Variants in PRDM6 observed in about 807,000 individuals in gnomAD.
The protein encoded by PRDM6 is putative histone-lysine N-methyltransferase PRDM6.
In PRDM6, 25 loss-of-function variants were observed where a neutral mutation model predicts 60.8. The ratio of observed to expected loss-of-function variants is 0.41; its 90% CI spans 0.30 to 0.57. The LOEUF (loss-of-function observed/expected upper bound fraction) is 0.57. Ranked by LOEUF, PRDM6 falls within the 20% of genes least tolerant of loss-of-function variation. PRDM6 has a pLI of 0.27. For missense variants in PRDM6, 839 were observed against 821.3 expected (o/e 1.02, Z -0.26); for synonymous variants, 407 against 357.4 (o/e 1.14, Z -1.57).
intron 3 of PRDM6, among the ~76,000 whole-genome samples, chr5:123,143,994 A>G (rs573706197): frequency 9.2e-5 from 14 of 152,272 alleles, no homozygotes; most frequent in Non-Finnish European, 1.6e-4. Context: ...CTGTCAGTCT[A>G]TCTCTGTGAT....
intron 3 of PRDM6, among the ~76,000 whole-genome samples, chr5:123,149,364 T>G (rs184915512): frequency 1.3e-5 from 2 of 152,254 alleles, no homozygotes; most frequent in Admixed American, 1.3e-4. Context: ...ACCTTGAACA[T>G]ATTGAGTGTT....
At chr5:123,116,273 A>G (rs955418607) in intron 3 of PRDM6, among the ~76,000 whole-genome samples, 2 of 152,236 alleles carry the variant, frequency 1.3e-5, no homozygotes, top group Non-Finnish European at 2.9e-5. Flanking sequence ...TAACAAATGT[A>G]GTGACAACAC....
intron 3 of PRDM6, among the ~76,000 whole-genome samples, chr5:123,111,810 C>T (rs1273596286): frequency 6.6e-6 from 1 of 152,132 alleles, no homozygotes; most frequent in Non-Finnish European, 1.5e-5. Context: ...CTCTTGAGCT[C>T]ACCTGGCCTC....
At chr5:123,159,459 G>A in intron 4 of PRDM6, 55 bp from the exon 5 acceptor site, 1 of 1,522,250 alleles carries the variant, frequency 6.6e-7, no homozygotes, top group Non-Finnish European at 8.8e-7. Context: ...AAATATGGAT[G>A]GGGGCACATG....
rs1363446250 is a variant in PRDM6, at chr5:123,089,328, G to C, written c.-207G>C. 6.5e-6 allele frequency: 1 copy of C among 152,758 alleles called. No homozygotes were observed. The highest frequency in any genetic ancestry group is 2.4e-5 in the African/African-American group (1 of 41,432). The allele number at this position is 152,758 out of a possible 1,614,324, so 9.5% of individuals were successfully genotyped here. A position where few individuals can be genotyped will look rare whatever the true frequency, so the allele number is the denominator to read the frequency against. ...TTGAGTCGGGCGCCCAGGTCCGTCC[G>C]CACTCTCGCGCCCTCCGCGGGCCTC... On this transcript the variant is annotated 5_prime_UTR_variant, in exon 1 of 8. Transcript: ENST00000407847.
chr5:123,182,975 A>AT (rs1177413558), intron 7 of PRDM6, among the ~76,000 whole-genome samples: 2 of 152,248 alleles, frequency 1.3e-5, no homozygotes, highest in East Asian at 3.8e-4. Context: ...TCCCAAGGGA[A>AT]TTTTGGGAAT....
chr5:123,090,651 C>T (rs535172921), intron 2 of PRDM6, 45 bp downstream of exon 2: 94,563 of 1,235,412 alleles, frequency 0.077, 3,660 homozygotes, highest in Middle Eastern at 0.11. Context: ...GCGCCGGCGC[C>T]GGCGCCGGCG....
intron 3 of PRDM6, among the ~76,000 whole-genome samples, chr5:123,129,977 CCCCTTT>C (rs1764783389): frequency 6.6e-6 from 1 of 151,494 alleles, no homozygotes; most frequent in Non-Finnish European, 1.5e-5. Flanking sequence ...CCTTCCCCTT[CCCCTTT>C]ACTTTCCCTT....
At chr5:123,115,881 T>A (rs914176165) in intron 3 of PRDM6, among the ~76,000 whole-genome samples, 1 of 152,204 alleles carries the variant, frequency 6.6e-6, no homozygotes, top group African/African-American at 2.4e-5. Context: ...TTGAAAATAT[T>A]ACTAATCATT....
chr5:123,156,711 G>A (rs943664492), intron 4 of PRDM6, among the ~76,000 whole-genome samples: 35 of 152,282 alleles, frequency 2.3e-4, no homozygotes, highest in African/African-American at 8.4e-4. Flanking sequence ...GTCCACATAG[G>A]GAGGCCTCTG....
chr5:123,146,493 C>T (rs1765241322), intron 3 of PRDM6, among the ~76,000 whole-genome samples: 1 of 152,066 alleles, frequency 6.6e-6, no homozygotes. Context: ...GTTCCATTTC[C>T]TGTTTGGTAT....
intron 3 of PRDM6, among the ~76,000 whole-genome samples, chr5:123,148,760 C>G (rs408054): frequency 0.71 from 108,421 of 152,100 alleles, 38,796 homozygotes; most frequent in Non-Finnish European, 0.75. Context: ...TGATAAAGAA[C>G]TTTATTAATC....
intron 3 of PRDM6, among the ~76,000 whole-genome samples, chr5:123,111,098 A>T (rs1262525537): frequency 6.6e-6 from 1 of 152,212 alleles, no homozygotes; most frequent in Non-Finnish European, 1.5e-5. Context: ...GATATGCAAG[A>T]TGAAAACATT....
intron 5 of PRDM6, among the ~76,000 whole-genome samples, chr5:123,166,444 T>G (rs10068770): frequency 0.27 from 40,321 of 151,072 alleles, 5,778 homozygotes; most frequent in East Asian, 0.58. Flanking sequence ...AAAATTTATG[T>G]TTTTGTTTTT....
chr5:123,110,655 C>A (rs1300165255), intron 3 of PRDM6, among the ~76,000 whole-genome samples: 1 of 150,836 alleles, frequency 6.6e-6, no homozygotes, highest in African/African-American at 2.4e-5. Flanking sequence ...GCAACCTCCG[C>A]CTCCCGGGTT....
intron 3 of PRDM6, among the ~76,000 whole-genome samples, chr5:123,128,800 G>C (rs1346451464): frequency 6.6e-6 from 1 of 152,114 alleles, no homozygotes; most frequent in Admixed American, 6.6e-5. Flanking sequence ...TTTGGCTTTT[G>C]TTGCCATTGC....
At chr5:123,090,944 G>T (rs1177836080) in intron 2 of PRDM6, among the ~76,000 whole-genome samples, 1 of 152,214 alleles carries the variant, frequency 6.6e-6, no homozygotes, top group Non-Finnish European at 1.5e-5. Context: ...CAGTGCCCGG[G>T]GCCAGGCGGG....
intron 3 of PRDM6, among the ~76,000 whole-genome samples, chr5:123,145,010 A>C (rs567451839): frequency 6.6e-6 from 1 of 152,322 alleles, no homozygotes; most frequent in South Asian, 2.1e-4. Context: ...AAGGCACTAT[A>C]TGCCAAGCAC....
chr5:123,180,441 G>C (rs1766124800), intron 7 of PRDM6, 118 bp downstream of exon 7: 1 of 1,065,572 alleles, frequency 9.4e-7, no homozygotes, highest in South Asian at 1.8e-5. Context: ...TGGAAGGCCA[G>C]TGTCCAGGCT....
Sources: gnomAD v4.1 joint callset for allele counts (sites outside exome capture counted in the v4.1 genomes callset) on GRCh38, gnomAD v4.1.1 for gene constraint, MANE v1.5 for transcripts, NCBI Gene and HGNC (gene_info 2026-07-23, HGNC 2026-07-21) for gene names.